CDH7: variants seen among roughly 807,000 people sequenced by gnomAD.
CDH7 encodes cadherin-7.
Under a neutral mutation model 71.8 loss-of-function variants are expected in CDH7, and 25 were observed. The observed-to-expected ratio is 0.35, with a 90% CI of 0.25 to 0.49. CDH7 has a LOEUF of 0.49. Among genes scored for constraint, CDH7 ranks in the 20% least tolerant of loss-of-function variants. CDH7 has a pLI of 0.99. For synonymous variants in CDH7, 381 were observed against 363.8 expected, an observed-to-expected ratio of 1.05 and a Z score of -0.54; for missense variants, 862 against 974.6, an observed-to-expected ratio of 0.88 and a Z score of 1.54.
At position 65,882,226 on chromosome 18, in the gene CDH7, G is replaced by A. The variant is rs953067305; in HGVS notation, c.*1332G>A. ...GGTTTAGATGTGCCAAAGGAAGGAA[G>A]GCAATTGCAAGTCATCATGTGTTTA... On this transcript the variant is annotated 3_prime_UTR_variant, in exon 12 of 12. Transcript: ENST00000397968. 2.6e-5 allele frequency: 4 copies of A among 152,094 alleles called. No individual in the cohort carries two copies. Among genetic ancestry groups the A allele is most frequent in the African/African-American group, 9.7e-5 (4 of 41,426 alleles). The allele number at this position is 152,094 out of a possible 1,614,324, so 9.4% of individuals were successfully genotyped here.
At chr18:65,798,386 C>T (rs553025571) in intron 2 of CDH7, among the ~76,000 whole-genome samples, 1 of 152,218 alleles carries the variant, frequency 6.6e-6, no homozygotes. Flanking sequence ...AAATGTTCCC[C>T]TCTGTCACCT....
At chr18:65,782,405 G>T (rs1910345137) in intron 2 of CDH7, among the ~76,000 whole-genome samples, 3 of 151,928 alleles carry the variant, frequency 2.0e-5, no homozygotes, top group Non-Finnish European at 4.4e-5. Flanking sequence ...TGATCCACCT[G>T]CCTCGGCCTC....
rs557051703 is a variant in CDH7, at chr18:65,878,413, C to T, written c.1865-1988C>T. Among the ~76,000 whole-genome samples, 3 of 152,268 alleles carry T rather than the reference C, an allele frequency of 2.0e-5. No homozygotes were observed. In the South Asian group the frequency reaches 6.2e-4, roughly 32 times the overall value. On this transcript the variant is annotated intron_variant, in intron 11 of 11. Transcript: ENST00000397968. Reference sequence around the variant, plus strand: ...GTTTGAAAGTTACTTGTTCCAACATCACACAGCTAATATGTAGGAAGGTTG... The same window carrying T: ...GTTTGAAAGTTACTTGTTCCAACATTACACAGCTAATATGTAGGAAGGTTG...
At chr18:65,783,352 A>C (rs1910383431) in intron 2 of CDH7, among the ~76,000 whole-genome samples, 2 of 152,196 alleles carry the variant, frequency 1.3e-5, no homozygotes, top group Admixed American at 1.3e-4. Context: ...ACCATTCTGA[A>C]AAGCTTATAA....
At chr18:65,824,319 T>C (rs1005471521) in intron 5 of CDH7, among the ~76,000 whole-genome samples, 2 of 151,906 alleles carry the variant, frequency 1.3e-5, no homozygotes, top group Non-Finnish European at 2.9e-5. Flanking sequence ...CATTTACTAA[T>C]TGTATATCAA....
intron 7 of CDH7, among the ~76,000 whole-genome samples, chr18:65,851,294 G>A (rs547642753): frequency 4.6e-5 from 7 of 151,830 alleles, no homozygotes; most frequent in East Asian, 1.9e-4. Context: ...TGCACATATC[G>A]ACAAACTTTA....
intron 6 of CDH7, among the ~76,000 whole-genome samples, chr18:65,838,875 A>G (rs1349966238): frequency 6.6e-6 from 1 of 152,246 alleles, no homozygotes; most frequent in Non-Finnish European, 1.5e-5. Flanking sequence ...CAGAACAAAG[A>G]TGAGAAACAC....
At position 65,801,107 on chromosome 18, in the gene CDH7, C is replaced by T. The variant is rs140102106; in HGVS notation, c.211-8597C>T. ...ATACCCCACTGTAAGCTCATGAAGG[C>T]GGGGGTTACTTGATTCAAGACTTTA... On this transcript the variant is annotated intron_variant, in intron 2 of 11. Coordinates refer to ENST00000397968, the MANE Select transcript of CDH7 (RefSeq NM_004361.5). Among the ~76,000 whole-genome samples, 393 of 152,256 alleles carry T rather than the reference C, an allele frequency of 2.6e-3. 4 individuals carry two copies. Among genetic ancestry groups the T allele is most frequent in the African/African-American group, 8.9e-3 (370 of 41,558 alleles).
chr18:65,843,998 A>G lies in CDH7; in HGVS notation c.1168A>G (p.Thr390Ala). ...PLYPMEVSEA[T>A]QVGNIIGTVA... Reference sequence around the variant, plus strand: ...GTACCCTATGGAGGTGTCGGAAGCTACCCAGGTTGGGAATATCATTGGCAC... The same window carrying G: ...GTACCCTATGGAGGTGTCGGAAGCTGCCCAGGTTGGGAATATCATTGGCAC... The change falls in exon 7 of 12, where the codon ACC (threonine) becomes GCC (alanine). Residue 390 changes from threonine to alanine, a missense_variant. Coordinates refer to ENST00000397968, the MANE Select transcript of CDH7 (RefSeq NM_004361.5). 6.2e-7 allele frequency: 1 copy of G among 1,612,870 alleles called. No homozygotes were observed.
intron 11 of CDH7, among the ~76,000 whole-genome samples, chr18:65,873,887 T>C (rs1913997331): frequency 6.6e-6 from 1 of 152,212 alleles, no homozygotes; most frequent in Non-Finnish European, 1.5e-5. Context: ...TTTATATTGC[T>C]TTATATTTAA....
chr18:65,759,300 A>T (rs1916119557), intron 1 of CDH7, among the ~76,000 whole-genome samples: 2 of 149,272 alleles, frequency 1.3e-5, no homozygotes, highest in South Asian at 4.2e-4. Context: ...GCTAGAGTGC[A>T]GTGGTGCCGT....
In CDH7 at chr18:65,880,809, A is replaced by G. The variant is rs1215841578; in HGVS notation, c.2273A>G (p.Asn758Ser). The G allele has an allele frequency of 8.1e-6, 13 of 1,614,050 alleles. No individual in the cohort carries two copies. The highest frequency in any genetic ancestry group is 1.6e-4 in the Middle Eastern group (1 of 6,084). ...LDSISSNSDQNYDYLSDWGPR... is the reference protein window; with the variant it reads ...LDSISSNSDQSYDYLSDWGPR... ...TCCATCAGCTCAAACTCTGATCAGA[A>G]CTATGACTACCTAAGTGACTGGGGA... Residue 758 changes from asparagine (N) to serine (S), a missense_variant, in exon 12 of 12, where the codon AAC becomes AGC. Asn to Ser is a conservative substitution (Grantham distance 46). Transcript: ENST00000397968.
chr18:65,858,102 A>G, intron 8 of CDH7, 150 bp downstream of exon 8: 3 of 665,952 alleles, frequency 4.5e-6, no homozygotes, highest in Non-Finnish European at 7.3e-6. Context: ...GCTGTGAAAT[A>G]TACTTATCTT....
upstream of CDH7, chr18:65,750,899 G>T (rs1291409846): frequency 6.6e-6 from 1 of 152,162 alleles, no homozygotes; most frequent in African/African-American, 2.4e-5. Flanking sequence ...CAGACGCAGC[G>T]GGCCCCCGGC....
At chr18:65,837,021 A>AG (rs1912554593) in intron 6 of CDH7, among the ~76,000 whole-genome samples, 1 of 152,190 alleles carries the variant, frequency 6.6e-6, no homozygotes, top group Non-Finnish European at 1.5e-5. Flanking sequence ...CATAACCCAT[A>AG]GACCTCTATG....
chr18:65,876,769 T>G lies in CDH7; in HGVS notation c.1865-3632T>G, dbSNP rs4144762. 4.0e-4 allele frequency among the ~76,000 whole-genome samples: 61 copies of G among 152,322 alleles called. No homozygotes were observed. In the East Asian group the frequency reaches 0.011, roughly 27 times the overall value. On this transcript the variant is annotated intron_variant, in intron 11 of 11. Transcript: ENST00000397968. ...TGGTCCCACGGAATCGTAAGGTCCATGAGTAAATGTTATATGTCTGCTTCT... is the reference window on the plus strand; with the variant it reads ...TGGTCCCACGGAATCGTAAGGTCCAGGAGTAAATGTTATATGTCTGCTTCT...
At chr18:65,856,627 C>G (rs1913366375) in intron 7 of CDH7, among the ~76,000 whole-genome samples, 1 of 151,944 alleles carries the variant, frequency 6.6e-6, no homozygotes, top group South Asian at 2.1e-4. Context: ...ACATGAAAGG[C>G]CTTTATGTTT....
chr18:65,824,530 T>G (rs546518364), intron 5 of CDH7, 114 bp from the exon 6 acceptor site: 190 of 589,138 alleles, frequency 3.2e-4, no homozygotes, highest in Middle Eastern at 1.6e-3. Context: ...TAGCATATAT[T>G]TTATTAAAAA....
chr18:65,862,959 A>G (rs770558822), intron 11 of CDH7, 42 bp downstream of exon 11: 1 of 1,600,102 alleles, frequency 6.2e-7, no homozygotes, highest in Non-Finnish European at 8.5e-7. Flanking sequence ...GAGCTGTCAC[A>G]ATAACCACAT....
Sources: gnomAD v4.1 joint callset for allele counts (sites outside exome capture counted in the v4.1 genomes callset) on GRCh38, gnomAD v4.1.1 for gene constraint, MANE v1.5 for transcripts, NCBI Gene and HGNC (gene_info 2026-07-23, HGNC 2026-07-21) for gene names.